TAFA2: variants seen among roughly 807,000 people sequenced by gnomAD.
The protein encoded by TAFA2 is TAFA chemokine like family member 2, also known as chemokine-like protein TAFA-2.
A neutral mutation model predicts 18.8 loss-of-function variants in TAFA2; 7 were observed. The ratio of observed to expected loss-of-function variants is 0.37; its 90% CI spans 0.21 to 0.70. TAFA2 has a LOEUF of 0.70. Ranked by LOEUF, TAFA2 falls within the 30% of genes least tolerant of loss-of-function variation. The probability of loss-of-function intolerance (pLI) is 0.53; values close to 1 mark genes in which losing one functional copy is unlikely to be tolerated. For synonymous variants in TAFA2, 60 were observed against 54.2 expected, an observed-to-expected ratio of 1.11 and a Z score of -0.47; for missense variants, 122 against 158.1, an observed-to-expected ratio of 0.77 and a Z score of 1.23.
chr12:61,913,544 G>A lies in TAFA2; in HGVS notation c.-1-46118C>T, dbSNP rs117970037. On this transcript the variant is annotated intron_variant, in intron 1 of 4. Coordinates refer to ENST00000416284, the MANE Select transcript of TAFA2 (RefSeq NM_178539.5). ...ACTATGATTCTGGCCTCAGTCTATG[G>A]GTCATGTTCCTCTCTATTTTATAGG... Among the ~76,000 whole-genome samples the A allele has an allele frequency of 6.0e-4, 92 of 152,246 alleles. 1 individual carries two copies. The East Asian group carries it at 0.017, about 29-fold the overall frequency.
At chr12:61,936,678 A>T (rs1392327369) in intron 1 of TAFA2, among the ~76,000 whole-genome samples, 1 of 152,202 alleles carries the variant, frequency 6.6e-6, no homozygotes, top group Non-Finnish European at 1.5e-5. Flanking sequence ...CCTGAAAATT[A>T]TAAAAGCCCT....
At chr12:61,850,731 T>A (rs1271855192) in intron 2 of TAFA2, among the ~76,000 whole-genome samples, 2 of 152,064 alleles carry the variant, frequency 1.3e-5, no homozygotes, top group African/African-American at 4.8e-5. Context: ...AGTGAAAGAT[T>A]ATTCATTTCA....
chr12:61,896,149 G>A (rs1030840918), intron 1 of TAFA2, among the ~76,000 whole-genome samples: 4 of 152,096 alleles, frequency 2.6e-5, no homozygotes, highest in African/African-American at 9.7e-5. Context: ...TATGCTCATC[G>A]ATGAGGCAAT....
chr12:61,980,997 CAAG>C (rs1440111219), intron 1 of TAFA2, among the ~76,000 whole-genome samples: 1 of 152,092 alleles, frequency 6.6e-6, no homozygotes, highest in East Asian at 1.9e-4. Context: ...CCTGCATTGC[CAAG>C]ACAAACCTAA....
intron 1 of TAFA2, among the ~76,000 whole-genome samples, chr12:62,111,245 C>T (rs945200329): frequency 1.3e-5 from 2 of 152,124 alleles, no homozygotes; most frequent in African/African-American, 4.8e-5. Flanking sequence ...TTGTTATTTA[C>T]CCAGTAGTCA....
At chr12:61,853,582 G>A (rs1873766543) in intron 2 of TAFA2, among the ~76,000 whole-genome samples, 1 of 152,120 alleles carries the variant, frequency 6.6e-6, no homozygotes, top group Admixed American at 6.6e-5. Context: ...GGCAAAACTG[G>A]AAGCATCACG....
At chr12:61,990,082 A>G (rs1879950655) in intron 1 of TAFA2, among the ~76,000 whole-genome samples, 1 of 152,192 alleles carries the variant, frequency 6.6e-6, no homozygotes, top group African/African-American at 2.4e-5. Flanking sequence ...TACAGCAAGG[A>G]AAGAATTCCA....
intron 1 of TAFA2, chr12:62,070,377 T>G (rs1419135353): frequency 1.3e-5 from 2 of 152,196 alleles, no homozygotes; most frequent in African/African-American, 4.8e-5. Context: ...ATATACCAGC[T>G]AAGAGCAATA....
intron 1 of TAFA2, among the ~76,000 whole-genome samples, chr12:62,221,196 AGGAGGGAAGGAAGGAAGGGG>A (rs1443150910): frequency 8.2e-6 from 1 of 121,822 alleles, no homozygotes; most frequent in Admixed American, 8.3e-5. Flanking sequence ...GGGAGAAGGA[AGGAGGGAAGGAAGGAAGGGG>A]GGAAGGAAGG....
chr12:62,178,591 C>T (rs1389251933), intron 1 of TAFA2, among the ~76,000 whole-genome samples: 1 of 152,144 alleles, frequency 6.6e-6, no homozygotes, highest in Non-Finnish European at 1.5e-5. Flanking sequence ...ATTCATCATA[C>T]AGCAAGCAGC....
chr12:62,089,160 A>G (rs984533426), intron 1 of TAFA2, among the ~76,000 whole-genome samples: 3 of 152,168 alleles, frequency 2.0e-5, no homozygotes, highest in Non-Finnish European at 4.4e-5. Flanking sequence ...TACTAGAACT[A>G]TCCACGTTTA....
intron 2 of TAFA2, among the ~76,000 whole-genome samples, chr12:61,757,981 C>T (rs891587036): frequency 1.3e-5 from 2 of 151,764 alleles, no homozygotes; most frequent in African/African-American, 4.8e-5. Context: ...TTTCTCATGT[C>T]TAAAAGAGGG....
At chr12:61,976,253 G>T (rs1384902466) in intron 1 of TAFA2, among the ~76,000 whole-genome samples, 1 of 151,702 alleles carries the variant, frequency 6.6e-6, no homozygotes, top group African/African-American at 2.4e-5. Flanking sequence ...CCAATCAAAA[G>T]GCAATATACT....
chr12:62,080,217 C>T (rs1868297952), intron 1 of TAFA2, among the ~76,000 whole-genome samples: 1 of 152,212 alleles, frequency 6.6e-6, no homozygotes, highest in Non-Finnish European at 1.5e-5. Flanking sequence ...TCCCTTATGT[C>T]AAAGGGATAT....
chr12:61,790,404 A>G (rs1422181001), intron 2 of TAFA2, among the ~76,000 whole-genome samples: 2 of 151,876 alleles, frequency 1.3e-5, no homozygotes, highest in African/African-American at 2.4e-5. Flanking sequence ...ACTTATCCAA[A>G]TCAGAAAGAA....
intron 1 of TAFA2, chr12:62,253,471 A>C (rs530542175): frequency 6.6e-6 from 1 of 152,346 alleles, no homozygotes; most frequent in South Asian, 2.1e-4. Context: ...ATTTCTGTAA[A>C]AGTCTGACAC....
chr12:62,152,427 C>T (rs2062334797), intron 1 of TAFA2, among the ~76,000 whole-genome samples: 2 of 152,160 alleles, frequency 1.3e-5, no homozygotes, highest in South Asian at 4.2e-4. Flanking sequence ...TCATTCACTC[C>T]TTAGAGATTT....
chr12:62,239,209 G>T (rs1446410039), intron 1 of TAFA2, among the ~76,000 whole-genome samples: 2 of 151,998 alleles, frequency 1.3e-5, no homozygotes, highest in Admixed American at 6.6e-5. Flanking sequence ...ATTTCTATCT[G>T]CAATGGGCTG....
intron 1 of TAFA2, among the ~76,000 whole-genome samples, chr12:62,016,379 C>T (rs1260456270): frequency 1.3e-5 from 2 of 152,122 alleles, no homozygotes; most frequent in African/African-American, 4.8e-5. Flanking sequence ...TTTTAATTCT[C>T]TCACCTCCAA....
Sources: allele counts gnomAD v4.1 joint callset (sites outside exome capture counted in the v4.1 genomes callset), GRCh38; gene constraint gnomAD v4.1.1; transcripts MANE v1.5; gene names NCBI Gene and HGNC (gene_info 2026-07-23, HGNC 2026-07-21).